Variants in IL1RAPL1 observed in about 807,000 individuals in gnomAD.
IL1RAPL1 encodes the protein interleukin-1 receptor accessory protein-like 1.
IL1RAPL1 carries 3 observed loss-of-function variants against 48.4 expected under a neutral mutation model. The ratio of observed to expected loss-of-function variants is 0.06; its 90% CI spans 0.03 to 0.16. The LOEUF is 0.16. Among genes scored for constraint, IL1RAPL1 ranks in the 10% least tolerant of loss-of-function variants. The pLI, the probability that IL1RAPL1 is intolerant of heterozygous loss-of-function variation, is 1.00. For missense variants in IL1RAPL1, 349 were observed against 530.6 expected (o/e 0.66, Z 3.36); for synonymous variants, 185 against 187.7 (o/e 0.99, Z 0.12).
chrX:29,685,649 A>C (rs967129856), intron 6 of IL1RAPL1, among the ~76,000 whole-genome samples: 1 of 111,682 alleles, frequency 9.0e-6, no homozygotes, highest in Non-Finnish European at 1.9e-5. Flanking sequence ...TTTCATAAAC[A>C]CTAGTATCAG....
intron 7 of IL1RAPL1, 56 bp downstream of exon 7, chrX:29,917,652 G>T: frequency 9.9e-7 from 1 of 1,014,524 alleles, no homozygotes; most frequent in South Asian, 2.0e-5. Flanking sequence ...CTCCATTAGT[G>T]AATAGAAAGT....
At chrX:29,362,278 A>T (rs1933387110) in intron 3 of IL1RAPL1, among the ~76,000 whole-genome samples, 1 of 112,449 alleles carries the variant, frequency 8.9e-6, no homozygotes, top group African/African-American at 3.2e-5. Context: ...ATTATGTCTT[A>T]TTTACTGCTG....
intron 1 of IL1RAPL1, among the ~76,000 whole-genome samples, chrX:28,687,169 C>T: frequency 9.0e-6 from 1 of 111,391 alleles, no homozygotes; most frequent in Admixed American, 9.6e-5. Flanking sequence ...TATTTGTCTA[C>T]TAGCTAGAAT....
intron 2 of IL1RAPL1, among the ~76,000 whole-genome samples, chrX:29,017,647 G>A (rs931096436): frequency 9.0e-6 from 1 of 111,446 alleles, no homozygotes; most frequent in Admixed American, 9.5e-5. Flanking sequence ...AAACTTAAGT[G>A]TAACTAAAAA....
At chrX:28,650,153 T>A (rs1194305481) in intron 1 of IL1RAPL1, among the ~76,000 whole-genome samples, 1 of 112,157 alleles carries the variant, frequency 8.9e-6, no homozygotes, top group East Asian at 2.8e-4. Context: ...AATTATTTCA[T>A]ATTCGTATGC....
chrX:28,678,721 G>T (rs1160163272), intron 1 of IL1RAPL1, among the ~76,000 whole-genome samples: 2 of 111,517 alleles, frequency 1.8e-5, no homozygotes, highest in Non-Finnish European at 3.8e-5. Flanking sequence ...TATGCCAAAG[G>T]CTACATTATC....
At chrX:28,708,436 T>C (rs1321950468) in intron 1 of IL1RAPL1, among the ~76,000 whole-genome samples, 2 of 110,976 alleles carry the variant, frequency 1.8e-5, no homozygotes, top group Non-Finnish European at 3.8e-5. Flanking sequence ...AAACTAAAAA[T>C]AGGATTACCA....
chrX:28,960,110 A>G (rs1056189983), intron 2 of IL1RAPL1, among the ~76,000 whole-genome samples: 2 of 111,874 alleles, frequency 1.8e-5, no homozygotes, highest in African/African-American at 3.2e-5. Flanking sequence ...GGAATTGGCC[A>G]TTAGGTAGGA....
At chrX:28,771,344 T>C (rs556342330) in intron 1 of IL1RAPL1, among the ~76,000 whole-genome samples, 1 of 112,538 alleles carries the variant, frequency 8.9e-6, no homozygotes, top group South Asian at 3.6e-4. Flanking sequence ...AGATTTCTAA[T>C]AAGCAATGTC....
intron 6 of IL1RAPL1, among the ~76,000 whole-genome samples, chrX:29,851,915 T>C (rs1490780345): frequency 2.7e-5 from 3 of 112,878 alleles, no homozygotes; most frequent in African/African-American, 9.7e-5. Flanking sequence ...GCCTACTGAA[T>C]ATTATGGACT....
intron 2 of IL1RAPL1, among the ~76,000 whole-genome samples, chrX:29,211,588 C>T (rs1014758566): frequency 3.6e-5 from 4 of 111,058 alleles, no homozygotes; most frequent in Non-Finnish European, 5.7e-5. Context: ...TTATACTTGA[C>T]GCAGAAACAT....
At chrX:29,643,249 G>A (rs1254746519) in intron 5 of IL1RAPL1, among the ~76,000 whole-genome samples, 1 of 111,633 alleles carries the variant, frequency 9.0e-6, no homozygotes, top group Non-Finnish European at 1.9e-5. Context: ...TTGGGTTTAG[G>A]TGAATTCTGG....
intron 6 of IL1RAPL1, among the ~76,000 whole-genome samples, chrX:29,706,256 TATC>T (rs1927191981): frequency 8.9e-6 from 1 of 111,833 alleles, no homozygotes; most frequent in African/African-American, 3.3e-5. Flanking sequence ...AACCAAATCA[TATC>T]ATTCTGCCCC....
chrX:29,070,119 A>T (rs1276454553), intron 2 of IL1RAPL1, among the ~76,000 whole-genome samples: 1 of 112,077 alleles, frequency 8.9e-6, no homozygotes, highest in East Asian at 2.8e-4. Context: ...GAAATTTTTA[A>T]AAATGCTTAA....
intron 2 of IL1RAPL1, among the ~76,000 whole-genome samples, chrX:29,076,665 T>C (rs1927677389): frequency 9.0e-6 from 1 of 111,377 alleles, no homozygotes; most frequent in African/African-American, 3.3e-5. Context: ...AACATTATTA[T>C]TCACATACCA....
At chrX:29,322,030 C>A (rs1188027655) in intron 3 of IL1RAPL1, among the ~76,000 whole-genome samples, 2 of 109,161 alleles carry the variant, frequency 1.8e-5, no homozygotes, top group African/African-American at 6.7e-5. Context: ...CCCTAATTTT[C>A]AATTACACTA....
At chrX:28,909,108 A>G (rs1923294886) in intron 2 of IL1RAPL1, among the ~76,000 whole-genome samples, 1 of 111,601 alleles carries the variant, frequency 9.0e-6, no homozygotes, top group African/African-American at 3.2e-5. Flanking sequence ...TGTAAACAAC[A>G]TCAAGTTCAG....
intron 6 of IL1RAPL1, among the ~76,000 whole-genome samples, chrX:29,764,812 C>T (rs1371311406): frequency 2.7e-5 from 3 of 111,830 alleles, no homozygotes; most frequent in Non-Finnish European, 5.6e-5. Flanking sequence ...ATTCAGAGGG[C>T]TGTCAAGATG....
intron 6 of IL1RAPL1, among the ~76,000 whole-genome samples, chrX:29,826,593 A>G (rs1426171743): frequency 9.0e-6 from 1 of 111,262 alleles, no homozygotes; most frequent in African/African-American, 3.3e-5. Context: ...TTTTATGTCT[A>G]TAGATTTGAC....
Sources: allele counts gnomAD v4.1 joint callset (sites outside exome capture counted in the v4.1 genomes callset), GRCh38; gene constraint gnomAD v4.1.1; transcripts MANE v1.5; gene names NCBI Gene and HGNC (gene_info 2026-07-23, HGNC 2026-07-21).